The following FLT1 variants were observed in gnomAD, a reference collection of about 807,000 sequenced individuals.
FLT1 encodes the protein vascular endothelial growth factor receptor 1.
FLT1 carries 49 observed loss-of-function variants against 156.3 expected under a neutral mutation model. The ratio of observed to expected loss-of-function variants is 0.31; its 90% CI spans 0.25 to 0.40. The LOEUF (loss-of-function observed/expected upper bound fraction) is 0.40, where lower values mean the gene tolerates loss of function less well. Among genes scored for constraint, FLT1 ranks in the 10% least tolerant of loss-of-function variants. The probability of loss-of-function intolerance (pLI) is 1.00; values close to 1 mark genes in which losing one functional copy is unlikely to be tolerated. For synonymous variants in FLT1, 594 were observed against 583.8 expected (o/e 1.02, Z -0.25); for missense variants, 1,322 against 1,637.2 (o/e 0.81, Z 3.32).
rs758430941 is a variant in FLT1, at chr13:28,339,189, C to A, written c.2467G>T (p.Ala823Ser). Residue 823 changes from alanine (A) to serine (S), a missense_variant, in exon 17 of 30, where the codon GCC (alanine) becomes TCC (serine). Physicochemically the swap from Ala to Ser is moderately conservative, Grantham distance 99. This residue lies in a region of FLT1 where 991 missense variants were observed against 1,254.8 expected (regional missense o/e 0.79). Transcript: ENST00000282397. ...LPYDASKWEF[A>S]RERLKLGKSL... Reference sequence around the variant, plus strand: ...TTACCCAGTTTAAGTCTCTCCCGGGCAAACTCCCACTTGCTGGCATCATAA... The same window carrying A: ...TTACCCAGTTTAAGTCTCTCCCGGGAAAACTCCCACTTGCTGGCATCATAA... 6.2e-7 allele frequency: 1 copy of A among 1,614,136 alleles called. No homozygotes were observed. Among genetic ancestry groups the A allele is most frequent in the Non-Finnish European group, 8.5e-7 (1 of 1,180,026 alleles).
At chr13:28,468,314 T>C (rs564190164) in intron 1 of FLT1, among the ~76,000 whole-genome samples, 1 of 152,330 alleles carries the variant, frequency 6.6e-6, no homozygotes, top group African/African-American at 2.4e-5. Flanking sequence ...GACAAACATC[T>C]CGGAGGATTG....
At chr13:28,358,327 A>C (rs1872979823) in intron 14 of FLT1, among the ~76,000 whole-genome samples, 1 of 152,208 alleles carries the variant, frequency 6.6e-6, no homozygotes, top group Non-Finnish European at 1.5e-5. Flanking sequence ...GTTTTAATCC[A>C]TGCCTTAGCG....
At chr13:28,414,606 T>A (rs1876535899) in intron 10 of FLT1, among the ~76,000 whole-genome samples, 1 of 152,200 alleles carries the variant, frequency 6.6e-6, no homozygotes, top group African/African-American at 2.4e-5. Context: ...AGTTGTCAGT[T>A]TATTATCTGA....
chr13:28,488,494 A>AACAG (rs1408084605), intron 1 of FLT1, among the ~76,000 whole-genome samples: 2 of 151,522 alleles, frequency 1.3e-5, no homozygotes, highest in African/African-American at 4.9e-5. Context: ...CAAACAAACA[A>AACAG]AACCACGTGG....
At chr13:28,365,893 G>C (rs1873273938) in intron 14 of FLT1, among the ~76,000 whole-genome samples, 1 of 152,200 alleles carries the variant, frequency 6.6e-6, no homozygotes, top group Non-Finnish European at 1.5e-5. Context: ...ACAGGGCATA[G>C]AGTAGCATTT....
intron 1 of FLT1, among the ~76,000 whole-genome samples, chr13:28,489,599 G>C (rs1470553855): frequency 6.6e-6 from 1 of 152,180 alleles, no homozygotes; most frequent in South Asian, 2.1e-4. Context: ...GCCAGCAGGA[G>C]AGGAGGAGAC....
chr13:28,422,908 G>A (rs554754941), intron 10 of FLT1, among the ~76,000 whole-genome samples: 56 of 152,256 alleles, frequency 3.7e-4, no homozygotes, highest in African/African-American at 1.3e-3. Flanking sequence ...ATTCCACAGA[G>A]AAGGTCCCCT....
intron 14 of FLT1, among the ~76,000 whole-genome samples, chr13:28,373,650 G>A (rs1359726070): frequency 6.6e-6 from 1 of 152,180 alleles, no homozygotes; most frequent in Non-Finnish European, 1.5e-5. Context: ...GCATGTTTAA[G>A]GGAGTGTATG....
chr13:28,462,100 G>A (rs1476336691), intron 3 of FLT1, among the ~76,000 whole-genome samples: 4 of 152,214 alleles, frequency 2.6e-5, no homozygotes, highest in African/African-American at 7.2e-5. Flanking sequence ...AGAAGCTTAC[G>A]GCTGGTGAGA....
intron 14 of FLT1, among the ~76,000 whole-genome samples, chr13:28,384,124 C>T (rs185266252): frequency 5.3e-5 from 8 of 152,214 alleles, no homozygotes; most frequent in East Asian, 1.9e-4. Context: ...TTAACATCTG[C>T]GTAGATGAAT....
intron 3 of FLT1, among the ~76,000 whole-genome samples, chr13:28,451,095 G>A (rs1878908068): frequency 6.6e-6 from 1 of 152,296 alleles, no homozygotes; most frequent in Non-Finnish European, 1.5e-5. Flanking sequence ...GTAAGGTGCT[G>A]AGGACTTTTT....
In FLT1 at chr13:28,311,687, T is replaced by C. The variant is rs764310611; in HGVS notation, c.3538A>G (p.Ser1180Gly). Residue 1180 changes from serine (S) to glycine (G), a missense_variant, in exon 27 of 30, where the codon AGT becomes GGT. Transcript: ENST00000282397. ...GCAGGAGTTGAGTATGTAAACCCAC[T>C]ATTTCCTGTCAGTATGGCATTGATT... ...IPINAILTGN[S>G]GFTYSTPAFS... 21 of 1,613,738 alleles carry C rather than the reference T, an allele frequency of 1.3e-5. No individual in the cohort carries two copies. The highest frequency in any genetic ancestry group is 1.1e-4 in the African/African-American group (8 of 74,914).
chr13:28,419,790 A>T (rs1274010425), intron 10 of FLT1, among the ~76,000 whole-genome samples: 1 of 152,166 alleles, frequency 6.6e-6, no homozygotes. Context: ...GAGGCAGGAG[A>T]ATCACTTGAA....
chr13:28,314,287 A>G (rs1871118441), intron 25 of FLT1, among the ~76,000 whole-genome samples: 1 of 152,160 alleles, frequency 6.6e-6, no homozygotes, highest in South Asian at 2.1e-4. Context: ...AAACGGAACC[A>G]TCTACAACCA....
At chr13:28,442,533 A>G (rs1339699894) in intron 3 of FLT1, among the ~76,000 whole-genome samples, 1 of 152,210 alleles carries the variant, frequency 6.6e-6, no homozygotes, top group African/African-American at 2.4e-5. Flanking sequence ...TTGGCCTCTA[A>G]AAGCCAATAC....
At chr13:28,387,763 C>T in intron 13 of FLT1, 8 of 1,045,580 alleles carry the variant, frequency 7.7e-6, no homozygotes, top group Middle Eastern at 4.4e-4. Context: ...GGTAACATAC[C>T]CCTAGGGTAA....
chr13:28,407,686 G>C (rs1875894970), intron 10 of FLT1, among the ~76,000 whole-genome samples: 1 of 152,062 alleles, frequency 6.6e-6, no homozygotes, highest in Non-Finnish European at 1.5e-5. Flanking sequence ...ATGAATAAAA[G>C]GTGACCATTC....
intron 18 of FLT1, among the ~76,000 whole-genome samples, chr13:28,330,244 G>A (rs1263806249): frequency 1.3e-5 from 2 of 152,198 alleles, no homozygotes; most frequent in African/African-American, 4.8e-5. Flanking sequence ...AGTTCACAGG[G>A]TTATCTTGGG....
intron 15 of FLT1, among the ~76,000 whole-genome samples, chr13:28,346,586 T>G (rs1433855339): frequency 6.6e-6 from 1 of 151,126 alleles, no homozygotes; most frequent in African/African-American, 2.4e-5. Flanking sequence ...AGCACACACT[T>G]GTAATCCCAG....
Sources: gnomAD v4.1 joint callset for allele counts (sites outside exome capture counted in the v4.1 genomes callset) on GRCh38, gnomAD v4.1.1 for gene constraint, gnomAD v4.1.1 regional missense constraint, MANE v1.5 for transcripts, NCBI Gene and HGNC (gene_info 2026-07-23, HGNC 2026-07-21) for gene names.